Variants in SSH3 observed in about 807,000 individuals in gnomAD.
SSH3 encodes the protein slingshot protein phosphatase 3.
In SSH3, 67 loss-of-function variants were observed where a neutral mutation model predicts 75.0. The ratio of observed to expected loss-of-function variants is 0.89; its 90% confidence interval spans 0.73 to 1.10. The LOEUF (loss-of-function observed/expected upper bound fraction) is 1.10, where lower values mean the gene tolerates loss of function less well. SSH3 is among the 50% of genes least tolerant of loss of function. The pLI, the probability that SSH3 is intolerant of heterozygous loss-of-function variation, is 0.00. For missense variants in SSH3, 824 were observed against 872.7 expected (o/e 0.94, Z 0.70); for synonymous variants, 318 against 349.2 (o/e 0.91, Z 1.00).
chr11:67,304,172 C>T lies in SSH3; in HGVS notation c.104+17C>T. 2 of 1,581,194 alleles carry T rather than the reference C, an allele frequency of 1.3e-6. No homozygotes were observed. The highest frequency in any genetic ancestry group is 2.3e-5 in the East Asian group (1 of 44,288). Reference sequence around the variant, plus strand: ...CCAGCGAAGGTGAGCGCCACCTCCCCCACGCAGACACTTCCGTCTGCCCCG... The same window carrying T: ...CCAGCGAAGGTGAGCGCCACCTCCCTCACGCAGACACTTCCGTCTGCCCCG... On this transcript the variant is annotated intron_variant, in intron 2 of 13. Coordinates refer to ENST00000308127, the MANE Select transcript of SSH3 (RefSeq NM_017857.4).
Position 67,310,194 on chromosome 11 carries a change from T to G in SSH3, c.1538T>G (p.Val513Gly), listed in dbSNP as rs777998969. 1.5e-5 allele frequency: 25 copies of G among 1,614,044 alleles called. No individual in the cohort carries two copies. The highest frequency in any genetic ancestry group is 2.0e-5 in the Non-Finnish European group (24 of 1,180,024). ...GAGGGTGGTGGGGAGGAGAAGGTTG[T>G]AGGCATGGAAGAGAGCCAGGCAGCC... ...EPEGGGEEKV[V>G]GMEESQAAPK... The change falls in exon 13 of 14, where the codon GTA becomes GGA. Residue 513 changes from valine (V) to glycine (G), a missense_variant. Transcript: ENST00000308127.
chr11:67,304,675 A>T, intron 2 of SSH3, 98 bp from the exon 3 acceptor site: 1 of 1,244,998 alleles, frequency 8.0e-7, no homozygotes, highest in Non-Finnish European at 1.1e-6. Context: ...GAATCCGTGT[A>T]GACAAGGGCT....
intron 10 of SSH3, chr11:67,309,127 C>T: frequency 2.1e-6 from 1 of 483,546 alleles, no homozygotes; most frequent in Non-Finnish European, 3.8e-6. Context: ...AAGCTGTTCT[C>T]TAACTCATTT....
intron 3 of SSH3, among the ~76,000 whole-genome samples, chr11:67,306,626 T>A (rs1230391680): frequency 6.6e-6 from 1 of 152,088 alleles, no homozygotes; most frequent in Non-Finnish European, 1.5e-5. Flanking sequence ...ACAACCTCCT[T>A]CCTCAGCAGA....
rs1443113585 is a variant in SSH3, at chr11:67,312,153, G to A, written c.*266G>A. 7.4e-6 allele frequency: 4 copies of A among 541,848 alleles called. No individual in the cohort carries two copies. The highest frequency in any genetic ancestry group is 1.3e-5 in the Non-Finnish European group (4 of 308,924). 33.6% of individuals were successfully genotyped at this position (541,848 alleles called of 1,614,324 possible). The stretch of plus-strand genomic sequence containing the variant: ...ACTGGGATGTGGTAGAGGGACTGAA[G>A]GTACCTTTGGGGGCAACAGCACCCT... On this transcript the variant is annotated 3_prime_UTR_variant, in exon 14 of 14. Coordinates refer to ENST00000308127, the MANE Select transcript of SSH3 (RefSeq NM_017857.4).
At position 67,304,162 on chromosome 11, in the gene SSH3, G is replaced by T. The variant is rs192522783; in HGVS notation, c.104+7G>T. 2.5e-6 allele frequency: 4 copies of T among 1,592,708 alleles called. No individual in the cohort carries two copies. On this transcript the variant is annotated splice_region_variant and intron_variant, in intron 2 of 13. Coordinates refer to ENST00000308127, the MANE Select transcript of SSH3 (RefSeq NM_017857.4). ...GGAGTCGACTCCAGCGAAGGTGAGC[G>T]CCACCTCCCCCACGCAGACACTTCC...
Position 67,303,708 on chromosome 11 carries a change from C to A in SSH3, c.66+17C>A, listed in dbSNP as rs1247808806. On this transcript the variant is annotated intron_variant, in intron 1 of 13. Transcript: ENST00000308127. ...GGGCCCTGGGTGAGTGTGGTCCGGCCGTGGTGCCGCCCACGCAGTTGCTGC... is the reference window on the plus strand; with the variant it reads ...GGGCCCTGGGTGAGTGTGGTCCGGCAGTGGTGCCGCCCACGCAGTTGCTGC... 1.4e-6 allele frequency: 2 copies of A among 1,471,530 alleles called. No individual in the cohort carries two copies. The highest frequency in any genetic ancestry group is 1.3e-5 in the South Asian group (1 of 76,570). The allele number at this position is 1,471,530 out of a possible 1,614,324, so 91.2% of individuals were successfully genotyped here. A position where few individuals can be genotyped will look rare whatever the true frequency, so the allele number is the denominator to read the frequency against.
intron 11 of SSH3, 63 bp downstream of exon 11, chr11:67,309,606 C>T (rs1355742520): frequency 6.3e-7 from 1 of 1,589,792 alleles, no homozygotes; most frequent in African/African-American, 1.3e-5. Context: ...GTGCCCTCCT[C>T]CTGCCCACTC....
Position 67,307,862 on chromosome 11 carries a change from C to G in SSH3, c.808C>G (p.Gln270Glu). Residue 270 changes from glutamine to glutamate, a missense_variant, in exon 8 of 14, where the codon CAG (glutamine) becomes GAG (glutamate). Transcript: ENST00000308127. This position sits in a 1 kb window ranked among gnomAD's most constrained non-coding sequence, Gnocchi z 4.2. Reference sequence around the variant, plus strand: ...TGCTCCCAGGTCCTCAGAACAGGAGCAGATGGAGCAGGCGATCCGTGCTGA... The same window carrying G: ...TGCTCCCAGGTCCTCAGAACAGGAGGAGATGGAGCAGGCGATCCGTGCTGA... ...AEPGGSSEQE[Q>E]MEQAIRAELW... 1 of 1,614,208 alleles carries G rather than the reference C, an allele frequency of 6.2e-7. No homozygotes were observed. Among genetic ancestry groups the G allele is most frequent in the Admixed American group, 1.7e-5 (1 of 60,034 alleles).
intron 2 of SSH3, among the ~76,000 whole-genome samples, chr11:67,304,503 A>G (rs1410196087): frequency 6.6e-6 from 1 of 152,176 alleles, no homozygotes; most frequent in Non-Finnish European, 1.5e-5. Context: ...TGGGAGGGGA[A>G]AAGGAGCAGC....
At chr11:67,305,037 G>C (rs751217589) in intron 3 of SSH3, 30 bp downstream of exon 3, 7 of 1,582,480 alleles carry the variant, frequency 4.4e-6, no homozygotes, top group African/African-American at 1.4e-5. Context: ...TCCGGGGGGT[G>C]GGGGGAAGAG....
chr11:67,311,570 C>A (rs375916736), intron 13 of SSH3, 21 bp from the exon 14 acceptor site: 1 of 1,612,376 alleles, frequency 6.2e-7, no homozygotes, highest in Non-Finnish European at 8.5e-7. Flanking sequence ...CCATGGCTTC[C>A]GTATCCTCAC....
In SSH3 at chr11:67,303,533, CGTCCTTCCTG is replaced by C; in HGVS notation, c.-87_-78del. ...GGTGCCAGGCCCGGGTGGCGCCGTC[CGTCCTTCCTG>C]GTCCTGCGGGTCCAGGACTGTCCGC... On this transcript the variant is annotated 5_prime_UTR_variant, in exon 1 of 14. Transcript: ENST00000308127. 7.7e-7 allele frequency: 1 copy of C among 1,306,026 alleles called. No homozygotes were observed. Among genetic ancestry groups the C allele is most frequent in the Admixed American group, 2.4e-5 (1 of 41,730 alleles). The allele number at this position is 1,306,026 out of a possible 1,614,324, so 80.9% of individuals were successfully genotyped here.
At chr11:67,304,298 G>T (rs570807095) in intron 2 of SSH3, 143 bp downstream of exon 2, 4 of 689,472 alleles carry the variant, frequency 5.8e-6, no homozygotes, top group Non-Finnish European at 7.1e-6. Context: ...CAGCGTTCCC[G>T]GTGGGGCCGG....
At chr11:67,309,668 C>T in intron 11 of SSH3, 100 bp from the exon 12 acceptor site, 2 of 1,580,356 alleles carry the variant, frequency 1.3e-6, no homozygotes, top group East Asian at 4.5e-5. Context: ...CCCTCCTTCT[C>T]TACTCTCAGT....
chr11:67,310,367 T>C (rs757467644), intron 13 of SSH3, 28 bp downstream of exon 13: 21 of 1,579,218 alleles, frequency 1.3e-5, no homozygotes, highest in Non-Finnish European at 1.7e-5. Flanking sequence ...GGAGCTCAGC[T>C]TGCAGGGGTG....
Position 67,307,083 on chromosome 11 carries a change from G to T in SSH3, c.506G>T (p.Ser169Ile), listed in dbSNP as rs1861267485. 6.2e-7 allele frequency: 1 copy of T among 1,613,904 alleles called. No homozygotes were observed. The highest frequency in any genetic ancestry group is 1.7e-5 in the Admixed American group (1 of 59,998). ...CTLGLVLPLW[S>I]DTQVYLDGDG... ...CTGGGCCTGGTCTTGCCCCTCTGGA[G>T]TGACACCCAGGTGTACTTAGATGGA... The change falls in exon 5 of 14, where the codon AGT becomes ATT. Residue 169 changes from serine (S) to isoleucine (I), a missense_variant. By Grantham distance (142) the Ser-to-Ile change is moderately radical. Transcript: ENST00000308127. This position sits in a 1 kb window ranked among gnomAD's most constrained non-coding sequence, Gnocchi z 4.2.
rs1371508905 is a variant in SSH3, at chr11:67,307,953, C to T, written c.885+14C>T. ...ACTTCCAAAGAGGTGGGCAGGGGGCCCGGGGACTGAGTCCCCTCTAGCAGG... is the reference window on the plus strand; with the variant it reads ...ACTTCCAAAGAGGTGGGCAGGGGGCTCGGGGACTGAGTCCCCTCTAGCAGG... On this transcript the variant is annotated intron_variant, in intron 8 of 13. Transcript: ENST00000308127. The surrounding 1 kb of genome is among the most constrained non-coding windows in gnomAD (Gnocchi z 4.2). The T allele has an allele frequency of 1.9e-6, 3 of 1,614,024 alleles. No individual in the cohort carries two copies. Among genetic ancestry groups the T allele is most frequent in the Non-Finnish European group, 2.5e-6 (3 of 1,179,908 alleles).
At position 67,303,566 on chromosome 11, in the gene SSH3, C is replaced by T. The variant is rs576870979; in HGVS notation, c.-60C>T. The T allele has an allele frequency of 6.0e-6, 9 of 1,490,344 alleles. No homozygotes were observed. The Admixed American group carries it at 1.4e-4, about 23-fold the overall frequency. The allele number at this position is 1,490,344 out of a possible 1,614,324, so 92.3% of individuals were successfully genotyped here. The stretch of plus-strand genomic sequence containing the variant: ...CTGGTCCTGCGGGTCCAGGACTGTC[C>T]GCGGGGTTGAGGGAAGGGGCCGTGC... On this transcript the variant is annotated 5_prime_UTR_variant, in exon 1 of 14. Transcript: ENST00000308127.
Sources: allele counts gnomAD v4.1 joint callset (sites outside exome capture counted in the v4.1 genomes callset), GRCh38; gene constraint gnomAD v4.1.1; non-coding constraint Gnocchi (gnomAD v3.1); transcripts MANE v1.5; gene names NCBI Gene and HGNC (gene_info 2026-07-23, HGNC 2026-07-21).